LUC7L2: variants seen among roughly 807,000 people sequenced by gnomAD.
LUC7L2 encodes LUC7 like 2, pre-mRNA splicing factor.
LUC7L2 carries 25 observed loss-of-function variants against 52.8 expected under a neutral mutation model. The ratio of observed to expected loss-of-function variants is 0.47; its 90% CI spans 0.34 to 0.66. The LOEUF is 0.66. Ranked by LOEUF, LUC7L2 falls within the 30% of genes least tolerant of loss-of-function variation. The pLI is 0.01. For synonymous variants in LUC7L2, 144 were observed against 160.9 expected, an observed-to-expected ratio of 0.89 and a Z score of 0.80; for missense variants, 328 against 497.8, an observed-to-expected ratio of 0.66 and a Z score of 3.25.
chr7:139,377,226 C>G (rs888005388), intron 2 of LUC7L2, among the ~76,000 whole-genome samples: 1 of 152,034 alleles, frequency 6.6e-6, no homozygotes, highest in Non-Finnish European at 1.5e-5. Context: ...TTTTCTGATA[C>G]AGAGTCTTGC....
At chr7:139,412,741 C>T (rs1273957044) in intron 8 of LUC7L2, 161 bp downstream of exon 8, 1 of 769,736 alleles carries the variant, frequency 1.3e-6, no homozygotes, top group Non-Finnish European at 1.9e-6. Flanking sequence ...GGCAGAATTG[C>T]TTGAAGCCGG....
At chr7:139,376,896 A>G (rs1363198591) in intron 2 of LUC7L2, among the ~76,000 whole-genome samples, 3 of 152,220 alleles carry the variant, frequency 2.0e-5, no homozygotes, top group Admixed American at 6.5e-5. Flanking sequence ...AAATGAAGAA[A>G]GATTTCTGAC....
chr7:139,346,354 A>G (rs971699608), intron 1 of LUC7L2: 11 of 152,204 alleles, frequency 7.2e-5, no homozygotes, highest in East Asian at 1.9e-4. Flanking sequence ...CCCCATTACC[A>G]GGTGGTCACT....
chr7:139,360,954 GTTAGACAAT>G (rs1191324265), intron 1 of LUC7L2, among the ~76,000 whole-genome samples: 1 of 152,188 alleles, frequency 6.6e-6, no homozygotes, highest in African/African-American at 2.4e-5. Context: ...CCTCCATTTT[GTTAGACAAT>G]TTAATAGAGG....
At chr7:139,362,613 A>G (rs1254994314) in intron 1 of LUC7L2, among the ~76,000 whole-genome samples, 1 of 145,456 alleles carries the variant, frequency 6.9e-6, no homozygotes, top group African/African-American at 2.7e-5. Flanking sequence ...TATTTAAGGC[A>G]ACTCTGTCCT....
At position 139,407,323 on chromosome 7, in the gene LUC7L2, AATAAG is replaced by A; in HGVS notation, c.662_666del (p.Ile221ArgfsTer4). ...GTAAACTGCACCTGGGATTTATTGA[AATAAG>A]AGAGAAGCTTGAAGAATTAAAGGTA... On this transcript the variant is annotated frameshift_variant, in exon 6 of 10. Transcript: ENST00000354926. LOFTEE classifies it high-confidence loss of function. The A allele has an allele frequency of 6.2e-7, 1 of 1,610,328 alleles. No individual in the cohort carries two copies. The highest frequency in any genetic ancestry group is 8.5e-7 in the Non-Finnish European group (1 of 1,178,222).
Position 139,417,636 on chromosome 7 carries a change from ACAGGTCCCGCTCCAG to A in LUC7L2, c.912_926del (p.Arg304_Ser308del). 1 of 1,614,212 alleles carries A rather than the reference ACAGGTCCCGCTCCAG, an allele frequency of 6.2e-7. No individual in the cohort carries two copies. Among genetic ancestry groups the A allele is most frequent in the Non-Finnish European group, 8.5e-7 (1 of 1,180,048 alleles). Reference sequence around the variant, plus strand: ...AAATCTCGGGAGAAACGCCATCGCCACAGGTCCCGCTCCAGCAGCCGTAGCCGCAGCCGTAGCCAC... The same window carrying A: ...AAATCTCGGGAGAAACGCCATCGCCACAGCCGTAGCCGCAGCCGTAGCCAC... On this transcript the variant is annotated inframe_deletion, in exon 9 of 10. Coordinates refer to ENST00000354926, the MANE Select transcript of LUC7L2 (RefSeq NM_016019.5).
chr7:139,354,365 A>T (rs1397985205), intron 1 of LUC7L2, among the ~76,000 whole-genome samples: 1 of 152,060 alleles, frequency 6.6e-6, no homozygotes, highest in African/African-American at 2.4e-5. Flanking sequence ...GGCATTTGTC[A>T]ATTTATTTAT....
chr7:139,408,665 A>G (rs1035478970), intron 6 of LUC7L2, among the ~76,000 whole-genome samples: 1 of 151,878 alleles, frequency 6.6e-6, no homozygotes, highest in African/African-American at 2.4e-5. Flanking sequence ...AATATGGTGA[A>G]ATCCTGTCTC....
intron 9 of LUC7L2, among the ~76,000 whole-genome samples, chr7:139,419,357 A>G (rs1208003419): frequency 1.3e-5 from 2 of 152,222 alleles, no homozygotes; most frequent in Admixed American, 6.5e-5. Flanking sequence ...AAGATATTCC[A>G]TATAGAGTGA....
intron 2 of LUC7L2, among the ~76,000 whole-genome samples, chr7:139,378,018 A>G (rs184441185): frequency 4.3e-4 from 65 of 150,166 alleles, no homozygotes; most frequent in African/African-American, 1.6e-3. Context: ...AGGTCTCACC[A>G]TGTTACCCAG....
intron 3 of LUC7L2, among the ~76,000 whole-genome samples, chr7:139,400,847 CTA>C (rs1794880877): frequency 6.6e-6 from 1 of 152,132 alleles, no homozygotes; most frequent in African/African-American, 2.4e-5. Context: ...AAGAAATTAA[CTA>C]TTTTTATGTT....
chr7:139,404,869 A>G (rs1308808004), intron 4 of LUC7L2, among the ~76,000 whole-genome samples: 1 of 152,230 alleles, frequency 6.6e-6, no homozygotes, highest in African/African-American at 2.4e-5. Flanking sequence ...AGGTATAAGT[A>G]ATGTGGCCAA....
intron 1 of LUC7L2, among the ~76,000 whole-genome samples, chr7:139,353,818 C>CA (rs1027728284): frequency 5.0e-4 from 74 of 149,296 alleles, no homozygotes; most frequent in African/African-American, 1.5e-3. Context: ...AACAAAGAAA[C>CA]AAAAAAAAAT....
chr7:139,389,654 A>G (rs1262210198), intron 2 of LUC7L2, among the ~76,000 whole-genome samples: 4 of 152,226 alleles, frequency 2.6e-5, no homozygotes, highest in African/African-American at 4.8e-5. Context: ...AGCCAAGGAA[A>G]TAAGTTATTC....
intron 5 of LUC7L2, among the ~76,000 whole-genome samples, chr7:139,406,352 C>CTTTTTTTT (rs58282436): frequency 7.5e-6 from 1 of 132,496 alleles, no homozygotes; most frequent in Admixed American, 7.7e-5. Flanking sequence ...GCACCAGGGC[C>CTTTTTTTT]TTTTTTTTTT....
chr7:139,341,565 AG>A (rs759713020), intron 1 of LUC7L2: 3 of 1,596,388 alleles, frequency 1.9e-6, no homozygotes, highest in Non-Finnish European at 1.7e-6. Context: ...CTGGGGAGGG[AG>A]GAAGAGCCGG....
intron 9 of LUC7L2, among the ~76,000 whole-genome samples, chr7:139,421,296 TGA>T (rs1403055559): frequency 1.3e-5 from 2 of 152,138 alleles, no homozygotes; most frequent in Non-Finnish European, 2.9e-5. Context: ...ATGGGTTGAG[TGA>T]GATAATTATG....
intron 9 of LUC7L2, 143 bp downstream of exon 9, chr7:139,417,872 T>A: frequency 8.3e-7 from 1 of 1,198,704 alleles, no homozygotes; most frequent in African/African-American, 1.6e-5. Context: ...TATGTGTGGG[T>A]GTACAACATT....
Sources: gnomAD v4.1 joint callset for allele counts (sites outside exome capture counted in the v4.1 genomes callset) on GRCh38, gnomAD v4.1.1 for gene constraint, MANE v1.5 for transcripts, NCBI Gene and HGNC (gene_info 2026-07-23, HGNC 2026-07-21) for gene names.